The following KCND2 variants were observed in gnomAD, a reference collection of about 807,000 sequenced individuals.
KCND2 encodes A-type voltage-gated potassium channel KCND2.
In KCND2, 16 loss-of-function variants were observed where a neutral mutation model predicts 54.4. That is an observed-to-expected ratio of 0.29 (90% CI 0.20 to 0.45). The LOEUF (loss-of-function observed/expected upper bound fraction) is 0.45, where lower values mean the gene tolerates loss of function less well. KCND2 is among the 20% of genes least tolerant of loss of function. The probability of loss-of-function intolerance (pLI) is 1.00; values close to 1 mark genes in which losing one functional copy is unlikely to be tolerated. For missense variants in KCND2, 486 were observed against 824.2 expected, an observed-to-expected ratio of 0.59 and a Z score of 5.02; for synonymous variants, 317 against 310.7, an observed-to-expected ratio of 1.02 and a Z score of -0.21.
At chr7:120,677,410 T>A (rs1792075843) in intron 1 of KCND2, among the ~76,000 whole-genome samples, 1 of 152,000 alleles carries the variant, frequency 6.6e-6, no homozygotes, top group East Asian at 1.9e-4. Context: ...AGACCATTTG[T>A]GAGTCCCAAA....
chr7:120,585,586 C>T (rs1792587645), intron 1 of KCND2, among the ~76,000 whole-genome samples: 2 of 151,908 alleles, frequency 1.3e-5, no homozygotes, highest in African/African-American at 4.8e-5. Flanking sequence ...TTAAGTAGGT[C>T]AGAGATCACA....
At chr7:120,623,080 G>T (rs1793121889) in intron 1 of KCND2, among the ~76,000 whole-genome samples, 1 of 152,016 alleles carries the variant, frequency 6.6e-6, no homozygotes, top group African/African-American at 2.4e-5. Flanking sequence ...AATAGACATG[G>T]GTTTAAAACC....
At chr7:120,733,462 G>A (rs1038959959) in intron 2 of KCND2, among the ~76,000 whole-genome samples, 4 of 152,072 alleles carry the variant, frequency 2.6e-5, no homozygotes, top group African/African-American at 9.7e-5. Flanking sequence ...AAGTGGGCAG[G>A]AAAATACAAT....
chr7:120,348,876 G>A (rs1015995739), intron 1 of KCND2, among the ~76,000 whole-genome samples: 7 of 152,008 alleles, frequency 4.6e-5, no homozygotes, highest in African/African-American at 9.7e-5. Flanking sequence ...TCCTTAGTAG[G>A]TAGGTGTCAT....
intron 1 of KCND2, among the ~76,000 whole-genome samples, chr7:120,281,861 A>G (rs776081757): frequency 5.9e-5 from 9 of 152,162 alleles, no homozygotes; most frequent in South Asian, 4.1e-4. Flanking sequence ...TCTTAAGCCA[A>G]ATTATTTTGC....
At chr7:120,342,304 T>G (rs527749220) in intron 1 of KCND2, among the ~76,000 whole-genome samples, 1 of 152,176 alleles carries the variant, frequency 6.6e-6, no homozygotes, top group African/African-American at 2.4e-5. Context: ...AGTACAATGA[T>G]GTATGTAAAA....
At chr7:120,716,942 A>G (rs191099353) in intron 1 of KCND2, among the ~76,000 whole-genome samples, 54 of 152,240 alleles carry the variant, frequency 3.5e-4, no homozygotes, top group Non-Finnish European at 4.9e-4. Context: ...CTATACATAT[A>G]TATCTATGAT....
chr7:120,523,487 G>A (rs1028755164), intron 1 of KCND2, among the ~76,000 whole-genome samples: 1 of 149,670 alleles, frequency 6.7e-6, no homozygotes, highest in African/African-American at 2.4e-5. Context: ...ATTTTTTAGA[G>A]TTGACATGAT....
At chr7:120,377,917 T>A (rs1800858559) in intron 1 of KCND2, among the ~76,000 whole-genome samples, 1 of 151,952 alleles carries the variant, frequency 6.6e-6, no homozygotes, top group South Asian at 2.1e-4. Flanking sequence ...CCTTTTTGTA[T>A]GCTCATGTTG....
intron 1 of KCND2, among the ~76,000 whole-genome samples, chr7:120,363,773 C>G (rs1378207772): frequency 1.3e-5 from 2 of 152,120 alleles, no homozygotes; most frequent in African/African-American, 4.8e-5. Context: ...TTAGCCCTCC[C>G]TGATCTTCTC....
In KCND2 at chr7:120,526,324, T is replaced by G. The variant is rs147892001; in HGVS notation, c.1116-206579T>G. Reference sequence around the variant, plus strand: ...TTCAGATGAATCTCAACTAGGAAATTCATGTGGCTTTGGAGAAAAATAATT... The same window carrying G: ...TTCAGATGAATCTCAACTAGGAAATGCATGTGGCTTTGGAGAAAAATAATT... On this transcript the variant is annotated intron_variant, in intron 1 of 5. Coordinates refer to ENST00000331113, the MANE Select transcript of KCND2 (RefSeq NM_012281.3). Among the ~76,000 whole-genome samples, 5 of 152,252 alleles carry G rather than the reference T, an allele frequency of 3.3e-5. No homozygotes were observed. In the East Asian group the frequency reaches 7.7e-4, roughly 23 times the overall value.
intron 1 of KCND2, among the ~76,000 whole-genome samples, chr7:120,657,158 C>T (rs956449984): frequency 1.3e-5 from 2 of 152,072 alleles, no homozygotes; most frequent in African/African-American, 4.8e-5. Context: ...TGTTACTAAA[C>T]TAGATATGCA....
intron 1 of KCND2, among the ~76,000 whole-genome samples, chr7:120,582,350 C>CT (rs199518332): frequency 7.2e-5 from 11 of 151,948 alleles, no homozygotes; most frequent in Non-Finnish European, 1.2e-4. Flanking sequence ...TTTTTCTCTC[C>CT]TTTTTTTTGA....
At chr7:120,301,530 C>T (rs1287921983) in intron 1 of KCND2, among the ~76,000 whole-genome samples, 2 of 151,694 alleles carry the variant, frequency 1.3e-5, no homozygotes, top group African/African-American at 4.8e-5. Flanking sequence ...ATGCTAGATT[C>T]CTGCAGATTT....
chr7:120,576,918 G>T (rs538536495), intron 1 of KCND2, among the ~76,000 whole-genome samples: 1 of 152,100 alleles, frequency 6.6e-6, no homozygotes, highest in Non-Finnish European at 1.5e-5. Context: ...AGGCCAAGGC[G>T]GGCTGATTGC....
chr7:120,389,230 G>A, intron 1 of KCND2, among the ~76,000 whole-genome samples: 1 of 151,868 alleles, frequency 6.6e-6, no homozygotes, highest in Admixed American at 6.6e-5. Flanking sequence ...TACATTTCAA[G>A]TTGCTAAAAC....
intron 1 of KCND2, among the ~76,000 whole-genome samples, chr7:120,575,921 AT>A (rs1287811364): frequency 9.9e-5 from 1 of 10,130 alleles, no homozygotes; most frequent in African/African-American, 2.8e-4. Flanking sequence ...GTTCTTAAAA[AT>A]TCTCAGGATG....
At chr7:120,376,341 C>A (rs1270297627) in intron 1 of KCND2, among the ~76,000 whole-genome samples, 1 of 151,490 alleles carries the variant, frequency 6.6e-6, no homozygotes, top group Non-Finnish European at 1.5e-5. Context: ...CGTCTTCTGC[C>A]AACTTTTAAA....
At chr7:120,485,557 G>A (rs1349495825) in intron 1 of KCND2, among the ~76,000 whole-genome samples, 1 of 152,160 alleles carries the variant, frequency 6.6e-6, no homozygotes, top group African/African-American at 2.4e-5. Flanking sequence ...GTGTTTCGCA[G>A]ATGACCTGAC....
Sources: allele counts gnomAD v4.1 joint callset (sites outside exome capture counted in the v4.1 genomes callset), GRCh38; gene constraint gnomAD v4.1.1; transcripts MANE v1.5; gene names NCBI Gene and HGNC (gene_info 2026-07-23, HGNC 2026-07-21).